Variants in ELOVL2 observed in about 807,000 individuals in gnomAD.
The protein encoded by ELOVL2 is ELOVL fatty acid elongase 2.
Under a neutral mutation model 37.7 loss-of-function variants are expected in ELOVL2, and 38 were observed. That is an observed-to-expected ratio of 1.01 (90% CI 0.78 to 1.32). The LOEUF (loss-of-function observed/expected upper bound fraction) is 1.32, where lower values mean the gene tolerates loss of function less well. Ranked by LOEUF, ELOVL2 falls within the 40% of genes most tolerant of loss-of-function variation. The pLI is 0.00. For missense variants in ELOVL2, 352 were observed against 363.6 expected (o/e 0.97, Z 0.26); for synonymous variants, 115 against 122.3 (o/e 0.94, Z 0.40).
intron 1 of ELOVL2, among the ~76,000 whole-genome samples, chr6:11,040,011 T>G (rs1278698871): frequency 2.6e-5 from 4 of 152,078 alleles, no homozygotes; most frequent in Admixed American, 2.6e-4. Flanking sequence ...AGGAGATCTG[T>G]AGAAAAGGCA....
intron 5 of ELOVL2, among the ~76,000 whole-genome samples, chr6:10,993,365 T>TAAAC (rs1782199849): frequency 1.3e-5 from 2 of 152,348 alleles, no homozygotes; most frequent in South Asian, 4.1e-4. Flanking sequence ...GCAAAAATGT[T>TAAAC]AAACAGTGTT....
At chr6:11,022,203 G>A (rs1331737023) in intron 1 of ELOVL2, among the ~76,000 whole-genome samples, 3 of 152,200 alleles carry the variant, frequency 2.0e-5, no homozygotes, top group East Asian at 1.9e-4. Context: ...AGAATGCTGC[G>A]TGGAGTGTGT....
rs371434779 is a variant in ELOVL2 at position 10,989,814 on chromosome 6, C to T, written c.654G>A (p.Thr218=). ...GTTTCACGACGGCGCTCATGGTGTG[C>T]GTGATGGTGAGCACGAACTGCACCT... The part of the protein sequence containing the change: ...AQLVQFVLTI[T]HTMSAVVKPC... Residue 218 remains threonine (T), a synonymous_variant, in exon 7 of 8, where the codon ACG becomes ACA. Coordinates refer to ENST00000354666, the MANE Select transcript of ELOVL2 (RefSeq NM_017770.4). 164 of 1,613,958 alleles carry T rather than the reference C, an allele frequency of 1.0e-4. No individual in the cohort carries two copies. The highest frequency in any genetic ancestry group is 1.3e-4 in the Non-Finnish European group (155 of 1,180,022).
At chr6:10,984,712 A>G in intron 7 of ELOVL2, among the ~76,000 whole-genome samples, 1 of 150,520 alleles carries the variant, frequency 6.6e-6, no homozygotes, top group African/African-American at 2.5e-5. Context: ...ATGGCTGCAT[A>G]GTATTCCATG....
In ELOVL2 at chr6:11,042,803, C is replaced by T. The variant is rs539903209; in HGVS notation, c.3+1425G>A. On this transcript the variant is annotated intron_variant, in intron 1 of 7. Coordinates refer to ENST00000354666, the MANE Select transcript of ELOVL2 (RefSeq NM_017770.4). ...ACTGCATAATCTTTGCAGTTACTCC[C>T]CACCTGTGCATTAACATAAAGCAGC... Among the ~76,000 whole-genome samples, 4 of 152,216 alleles carry T rather than the reference C, an allele frequency of 2.6e-5. No individual in the cohort carries two copies. In the East Asian group the frequency reaches 5.8e-4, roughly 22 times the overall value.
intron 2 of ELOVL2, among the ~76,000 whole-genome samples, chr6:11,006,740 C>T (rs1353223910): frequency 1.3e-5 from 2 of 152,190 alleles, no homozygotes; most frequent in African/African-American, 2.4e-5. Context: ...GGTTAGAAAG[C>T]TCTTCTCAGC....
At chr6:10,994,143 G>A (rs1188813552) in intron 5 of ELOVL2, among the ~76,000 whole-genome samples, 1 of 148,530 alleles carries the variant, frequency 6.7e-6, no homozygotes, top group Non-Finnish European at 1.5e-5. Context: ...AGCCTGGGCA[G>A]AAGAATGAGA....
chr6:11,042,001 AT>A (rs34988678), intron 1 of ELOVL2, among the ~76,000 whole-genome samples: 10 of 134,576 alleles, frequency 7.4e-5, no homozygotes, highest in African/African-American at 2.8e-4. Context: ...CTCCCTGCCC[AT>A]TTTTTTTTTA....
chr6:10,986,958 G>A (rs1170641455), intron 7 of ELOVL2, among the ~76,000 whole-genome samples: 7 of 152,088 alleles, frequency 4.6e-5, no homozygotes, highest in Admixed American at 3.3e-4. Flanking sequence ...GGTAGAATTC[G>A]GCTGTGAATC....
chr6:11,023,710 A>G (rs763939733), intron 1 of ELOVL2, among the ~76,000 whole-genome samples: 7 of 152,224 alleles, frequency 4.6e-5, no homozygotes, highest in Non-Finnish European at 7.3e-5. Context: ...TTGGCAGGAC[A>G]TTACCATCAA....
chr6:11,002,403 A>G (rs2113503928), intron 3 of ELOVL2, among the ~76,000 whole-genome samples: 1 of 152,324 alleles, frequency 6.6e-6, no homozygotes, highest in Non-Finnish European at 1.5e-5. Flanking sequence ...GCTGACCCCT[A>G]ACAAGTTAGC....
At position 11,024,134 on chromosome 6, in the gene ELOVL2, C is replaced by T. The variant is rs531285529; in HGVS notation, c.4-13325G>A. Reference sequence around the variant, plus strand: ...AGAGTATTATCTATTTTACAGATGACGAGAGGCAAAAGACAAAGTTATTTA... The same window carrying T: ...AGAGTATTATCTATTTTACAGATGATGAGAGGCAAAAGACAAAGTTATTTA... On this transcript the variant is annotated intron_variant, in intron 1 of 7. Coordinates refer to ENST00000354666, the MANE Select transcript of ELOVL2 (RefSeq NM_017770.4). 7.9e-5 allele frequency among the ~76,000 whole-genome samples: 12 copies of T among 152,214 alleles called. No homozygotes were observed. In the South Asian group the frequency reaches 8.3e-4, roughly 11 times the overall value.
At chr6:11,040,078 A>T (rs941490213) in intron 1 of ELOVL2, among the ~76,000 whole-genome samples, 3 of 152,228 alleles carry the variant, frequency 2.0e-5, no homozygotes, top group Non-Finnish European at 4.4e-5. Context: ...AATATTTTCA[A>T]GTAAAAATAT....
chr6:11,023,582 G>T (rs1159227295), intron 1 of ELOVL2, among the ~76,000 whole-genome samples: 3 of 152,010 alleles, frequency 2.0e-5, no homozygotes, highest in African/African-American at 7.2e-5. Context: ...TGAGTCATCC[G>T]GACAGACTAT....
chr6:11,030,399 G>A (rs1240632289), intron 1 of ELOVL2, among the ~76,000 whole-genome samples: 1 of 152,180 alleles, frequency 6.6e-6, no homozygotes, highest in Admixed American at 6.5e-5. Context: ...TGGGGAAAAA[G>A]TGTAAAGGTA....
At chr6:11,024,537 T>C (rs1782813170) in intron 1 of ELOVL2, among the ~76,000 whole-genome samples, 1 of 152,248 alleles carries the variant, frequency 6.6e-6, no homozygotes, top group Admixed American at 6.5e-5. Flanking sequence ...TTAGTATTAC[T>C]GAATAAAATC....
At chr6:11,011,400 A>G (rs1234603881) in intron 1 of ELOVL2, among the ~76,000 whole-genome samples, 2 of 152,058 alleles carry the variant, frequency 1.3e-5, no homozygotes, top group East Asian at 3.9e-4. Context: ...TTGAAGGGTT[A>G]TTGACCTAAA....
chr6:10,989,994 C>T (rs541058427), intron 6 of ELOVL2, among the ~76,000 whole-genome samples, 157 bp from the exon 7 acceptor site: 153 of 152,288 alleles, frequency 1.0e-3, no homozygotes, highest in African/African-American at 3.4e-3. Context: ...ATCCAGAAAT[C>T]TTATTTGAAA....
At chr6:11,043,801 C>T (rs1342891641) in intron 1 of ELOVL2, 2 of 163,074 alleles carry the variant, frequency 1.2e-5, no homozygotes, top group Non-Finnish European at 1.3e-5. Flanking sequence ...CCGCTCCAGG[C>T]GTCGGCGGGC....
Sources: allele counts gnomAD v4.1 joint callset (sites outside exome capture counted in the v4.1 genomes callset), GRCh38; gene constraint gnomAD v4.1.1; transcripts MANE v1.5; gene names NCBI Gene and HGNC (gene_info 2026-07-23, HGNC 2026-07-21).